Variants in NAT16 observed in about 807,000 individuals in gnomAD.
The protein encoded by NAT16 is N-acetyltransferase 16 (putative), also known as probable N-acetyltransferase 16.
NAT16 carries 16 observed loss-of-function variants against 15.9 expected under a neutral mutation model. The ratio of observed to expected loss-of-function variants is 1.01; its 90% confidence interval spans 0.68 to 1.53. NAT16 has a LOEUF of 1.53. NAT16 is among the 40% of genes most tolerant of loss of function. NAT16 has a pLI of 0.00. For synonymous variants in NAT16, 260 were observed against 241.9 expected (o/e 1.07, Z -0.69); for missense variants, 572 against 508.4 (o/e 1.13, Z -1.20).
Position 101,172,276 on chromosome 7 carries a change from C to G in NAT16, c.913G>C (p.Asp305His), listed in dbSNP as rs371351222. Reference protein sequence around the residue: ...RYLNIDAFGSDGAQVQSQLLW... With the variant: ...RYLNIDAFGSHGAQVQSQLLW... Reference sequence around the variant, plus strand: ...AGCTGGCTCTGCACCTGCGCGCCGTCGCTACCGAAGGCGTCGATGTTGAGA... The same window carrying G: ...AGCTGGCTCTGCACCTGCGCGCCGTGGCTACCGAAGGCGTCGATGTTGAGA... The change falls in exon 4 of 4, where the codon GAC becomes CAC. Residue 305 changes from aspartate (D) to histidine (H), a missense_variant. Asp to His is a moderately conservative substitution (Grantham distance 81). Transcript: ENST00000300303. The surrounding 1 kb of genome is among the most constrained non-coding windows in gnomAD (Gnocchi z 4.2). The G allele has an allele frequency of 1.1e-5, 17 of 1,612,494 alleles. No homozygotes were observed. The highest frequency in any genetic ancestry group is 1.4e-5 in the Non-Finnish European group (16 of 1,179,696).
At chr7:101,174,423 C>T (rs1432393524) in intron 2 of NAT16, 73 bp downstream of exon 2, 1 of 1,473,400 alleles carries the variant, frequency 6.8e-7, no homozygotes, top group Non-Finnish European at 9.0e-7. Context: ...AGCTCTCATC[C>T]TCCTCTTCCT....
At chr7:101,175,921 CA>C (rs34778981) in intron 1 of NAT16, among the ~76,000 whole-genome samples, 17,228 of 144,448 alleles carry the variant, frequency 0.12, 1,182 homozygotes, top group East Asian at 0.39. Context: ...GAACCTGTGT[CA>C]AAAAAAAAAA....
intron 2 of NAT16, chr7:101,174,268 G>T: frequency 1.9e-6 from 1 of 537,140 alleles, no homozygotes. Flanking sequence ...ACTTTCAAAC[G>T]CTCACCTGTC....
chr7:101,173,873 C>G (rs1191671785), intron 2 of NAT16: 3 of 321,262 alleles, frequency 9.3e-6, no homozygotes, highest in Non-Finnish European at 1.7e-5. Flanking sequence ...ACAACAGGCA[C>G]GCACCCCTAC....
intron 1 of NAT16, among the ~76,000 whole-genome samples, chr7:101,178,631 G>C (rs1268279730): frequency 6.7e-6 from 1 of 149,904 alleles, no homozygotes; most frequent in African/African-American, 2.5e-5. Flanking sequence ...CCACCACTTT[G>C]GGAAGCCAAG....
rs754262068 is a variant in NAT16, at chr7:101,173,540, G to GC, written c.313-21dup. On this transcript the variant is annotated intron_variant, in intron 2 of 3. Transcript: ENST00000300303. The stretch of plus-strand genomic sequence containing the variant: ...CGCGATCTGCGGACCGAGGCCGTTA[G>GC]CGCGGGGCCCTCCCCGCCTGCGCCC... 36 of 1,543,778 alleles carry GC rather than the reference G, an allele frequency of 2.3e-5. No homozygotes were observed. The Admixed American group carries it at 6.7e-4, about 29-fold the overall frequency.
At chr7:101,177,478 G>A (rs1797491923) in intron 1 of NAT16, among the ~76,000 whole-genome samples, 1 of 152,132 alleles carries the variant, frequency 6.6e-6, no homozygotes, top group South Asian at 2.1e-4. Flanking sequence ...GAGTAGCTAG[G>A]ACTACAGGCA....
chr7:101,173,928 G>C (rs988762174), intron 2 of NAT16: 2 of 214,946 alleles, frequency 9.3e-6, no homozygotes, highest in Non-Finnish European at 1.8e-5. Flanking sequence ...CAGGGGTCTC[G>C]CATGTTGCCC....
At chr7:101,178,247 T>C (rs952588631) in intron 1 of NAT16, among the ~76,000 whole-genome samples, 8 of 151,952 alleles carry the variant, frequency 5.3e-5, no homozygotes, top group Non-Finnish European at 8.8e-5. Flanking sequence ...TTCCAATGCA[T>C]CCCCCATCTT....
intron 2 of NAT16, 30 bp downstream of exon 2, chr7:101,174,466 A>T (rs1562874575): frequency 1.3e-6 from 2 of 1,575,396 alleles, no homozygotes; most frequent in Non-Finnish European, 1.7e-6. Context: ...GCTTCACCCC[A>T]TGTCACCTGG....
In NAT16 at chr7:101,172,068, G is replaced by A. The variant is rs748645030; in HGVS notation, c.*11C>T. 1.1e-5 allele frequency: 18 copies of A among 1,587,372 alleles called. No homozygotes were observed. Among genetic ancestry groups the A allele is most frequent in the Admixed American group, 5.2e-5 (3 of 57,684 alleles). ...CGGGTCTTTTTCCCCCTCCCCGCCA[G>A]AGGAGAGGCCTCAGATGTCGGCCTC... On this transcript the variant is annotated 3_prime_UTR_variant, in exon 4 of 4. Transcript: ENST00000300303. The surrounding 1 kb of genome is among the most constrained non-coding windows in gnomAD (Gnocchi z 4.2).
At chr7:101,177,555 T>C (rs912129801) in intron 1 of NAT16, among the ~76,000 whole-genome samples, 1 of 152,128 alleles carries the variant, frequency 6.6e-6, no homozygotes, top group Non-Finnish European at 1.5e-5. Flanking sequence ...TCCCACTATT[T>C]TGCCCAGGCT....
intron 1 of NAT16, among the ~76,000 whole-genome samples, chr7:101,177,536 A>C (rs1162125449): frequency 6.6e-6 from 1 of 151,852 alleles, no homozygotes; most frequent in Non-Finnish European, 1.5e-5. Flanking sequence ...TTTTTTGTAG[A>C]GATGGGGGTC....
In NAT16 at chr7:101,171,034, G is replaced by C. The variant is rs1458857227; in HGVS notation, c.*1045C>G. On this transcript the variant is annotated 3_prime_UTR_variant, in exon 4 of 4. Transcript: ENST00000300303. ...AAAAGCATAAATGATCCAGAGAAAGGGAGTGGTGTCCAGAAATACCAGGAG... is the reference window on the plus strand; with the variant it reads ...AAAAGCATAAATGATCCAGAGAAAGCGAGTGGTGTCCAGAAATACCAGGAG... 1 of 152,210 alleles carries C rather than the reference G, an allele frequency of 6.6e-6. No homozygotes were observed. Among genetic ancestry groups the C allele is most frequent in the Non-Finnish European group, 1.5e-5 (1 of 68,050 alleles). The allele number at this position is 152,210 out of a possible 1,614,324, so 9.4% of individuals were successfully genotyped here. A position where few individuals can be genotyped will look rare whatever the true frequency, so the allele number is the denominator to read the frequency against.
rs143719972 is a variant in NAT16, at chr7:101,174,862, A to C, written c.-4-51T>G. 2.6e-3 allele frequency: 3,840 copies of C among 1,500,760 alleles called. 67 individuals carry two copies. In the African/African-American group the frequency reaches 0.048, roughly 19 times the overall value. The allele number at this position is 1,500,760 out of a possible 1,614,324, so 93.0% of individuals were successfully genotyped here. ...CCTGGATCAGCCCCTTTGTTTCCAC[A>C]TCTGGGCCCCTGCACACAAACGGTC... On this transcript the variant is annotated intron_variant, in intron 1 of 3. Transcript: ENST00000300303.
At chr7:101,178,710 T>TA (rs386410830) in intron 1 of NAT16, among the ~76,000 whole-genome samples, 11,418 of 72,770 alleles carry the variant, frequency 0.16, 1,213 homozygotes, top group East Asian at 0.34. Flanking sequence ...CTCTCTCTAC[T>TA]AAAAAAAAAA....
At chr7:101,173,216 T>G in intron 3 of NAT16, 80 bp downstream of exon 3, 2 of 1,267,454 alleles carry the variant, frequency 1.6e-6, no homozygotes, top group Non-Finnish European at 2.3e-6. Context: ...AGCAAGCCCG[T>G]GTTCTGCTGG....
chr7:101,174,553 G>A lies in NAT16; in HGVS notation c.255C>T (p.His85=), dbSNP rs781057510. The change falls in exon 2 of 4, where the codon CAC becomes CAT. Residue 85 remains histidine, a synonymous_variant. Coordinates refer to ENST00000300303, the MANE Select transcript of NAT16 (RefSeq NM_198571.3). ...TGCGGTCGGGGTCCCGGAGCCAGCT[G>A]TGGTAGCGGCTAGGAAGGTAGTCCA... is the stretch of plus-strand genomic sequence containing the variant. The part of the protein sequence containing the change: ...GGLDYLPSRY[H]SWLRDPDRTV... The A allele has an allele frequency of 6.8e-6, 11 of 1,614,058 alleles. No individual in the cohort carries two copies. Among genetic ancestry groups the A allele is most frequent in the Non-Finnish European group, 1.7e-6 (2 of 1,179,950 alleles).
At chr7:101,175,023 C>T (rs905611016) in intron 1 of NAT16, among the ~76,000 whole-genome samples, 2 of 152,128 alleles carry the variant, frequency 1.3e-5, no homozygotes, top group African/African-American at 2.4e-5. Context: ...GGCGCGATCT[C>T]GGCTCGCTGC....
Sources: allele counts gnomAD v4.1 joint callset (sites outside exome capture counted in the v4.1 genomes callset), GRCh38; gene constraint gnomAD v4.1.1; non-coding constraint Gnocchi (gnomAD v3.1); transcripts MANE v1.5; gene names NCBI Gene and HGNC (gene_info 2026-07-23, HGNC 2026-07-21).